Variants in DPYSL2 observed in about 807,000 individuals in gnomAD.
DPYSL2 encodes the protein dihydropyrimidinase like 2, also known as dihydropyrimidinase-related protein 2.
A neutral mutation model predicts 69.9 loss-of-function variants in DPYSL2; 13 were observed. That is an observed-to-expected ratio of 0.19 (90% CI 0.12 to 0.30). The LOEUF (loss-of-function observed/expected upper bound fraction) is 0.30, where lower values mean the gene tolerates loss of function less well. Among genes scored for constraint, DPYSL2 ranks in the 10% least tolerant of loss-of-function variants. The pLI is 1.00. For missense variants in DPYSL2, 587 were observed against 918.9 expected (o/e 0.64, Z 4.67); for synonymous variants, 326 against 359.1 (o/e 0.91, Z 1.04).
At position 26,587,105 on chromosome 8, in the gene DPYSL2, C is replaced by G. The variant is rs115603204; in HGVS notation, c.628+3122C>G. Among the ~76,000 whole-genome samples the G allele has an allele frequency of 0.019, 2,878 of 152,228 alleles. 97 individuals are homozygous for G. Among genetic ancestry groups the G allele is most frequent in the African/African-American group, 0.067 (2,761 of 41,514 alleles). Reference sequence around the variant, plus strand: ...TTTTTATCCTTTTTCTGTTTGCTGACCAGACGTTCTGCATTGCTTTAAGTG... The same window carrying G: ...TTTTTATCCTTTTTCTGTTTGCTGAGCAGACGTTCTGCATTGCTTTAAGTG... On this transcript the variant is annotated intron_variant, in intron 3 of 13. Transcript: ENST00000521913. This position sits in a 1 kb window ranked among gnomAD's most constrained non-coding sequence, Gnocchi z 4.2.
chr8:26,581,383 T>A (rs1193083375), intron 1 of DPYSL2, among the ~76,000 whole-genome samples: 1 of 152,074 alleles, frequency 6.6e-6, no homozygotes. Context: ...ATCTTCTTTT[T>A]TTTTTTTTGA....
At chr8:26,519,047 G>T (rs986447379) in intron 1 of DPYSL2, among the ~76,000 whole-genome samples, 2 of 152,258 alleles carry the variant, frequency 1.3e-5, no homozygotes, top group South Asian at 2.1e-4. Flanking sequence ...TCATTGGACC[G>T]CCAGTGACAA....
At chr8:26,639,262 G>C (rs1440520821) in intron 8 of DPYSL2, among the ~76,000 whole-genome samples, 1 of 152,172 alleles carries the variant, frequency 6.6e-6, no homozygotes, top group Non-Finnish European at 1.5e-5. Flanking sequence ...AGTAGAGAAA[G>C]GGGGAAGATT....
Position 26,591,769 on chromosome 8 carries a change from T to C in DPYSL2, c.628+7786T>C, listed in dbSNP as rs996587624. 3.9e-5 allele frequency among the ~76,000 whole-genome samples: 6 copies of C among 152,124 alleles called. No individual in the cohort carries two copies. Among genetic ancestry groups the C allele is most frequent in the Non-Finnish European group, 1.5e-5 (1 of 68,028 alleles). ...CCGCTTTCTCTTTGTCATCCCCCCATGGCAGCCCCTCTGCCTCTGGAGAAT... is the reference window on the plus strand; with the variant it reads ...CCGCTTTCTCTTTGTCATCCCCCCACGGCAGCCCCTCTGCCTCTGGAGAAT... On this transcript the variant is annotated intron_variant, in intron 3 of 13. Transcript: ENST00000521913. The surrounding 1 kb of genome is among the most constrained non-coding windows in gnomAD (Gnocchi z 5.8).
At chr8:26,573,136 G>A (rs1024068354) in intron 1 of DPYSL2, among the ~76,000 whole-genome samples, 1 of 152,328 alleles carries the variant, frequency 6.6e-6, no homozygotes, top group Admixed American at 6.5e-5. Context: ...CTACAGCCCC[G>A]CAGAGAATAA....
At chr8:26,638,366 G>T (rs2129954818) in intron 8 of DPYSL2, among the ~76,000 whole-genome samples, 1 of 152,308 alleles carries the variant, frequency 6.6e-6, no homozygotes, top group South Asian at 2.1e-4. Flanking sequence ...ATCCTGCCCT[G>T]GGAGGAGTAG....
At chr8:26,566,850 G>C (rs993504995) in intron 1 of DPYSL2, among the ~76,000 whole-genome samples, 1 of 152,054 alleles carries the variant, frequency 6.6e-6, no homozygotes, top group Non-Finnish European at 1.5e-5. Context: ...TTGTGCACCC[G>C]CCTACCCACC....
At position 26,587,247 on chromosome 8, in the gene DPYSL2, A is replaced by C. The variant is rs550111292; in HGVS notation, c.628+3264A>C. On this transcript the variant is annotated intron_variant, in intron 3 of 13. Transcript: ENST00000521913. This position sits in a 1 kb window ranked among gnomAD's most constrained non-coding sequence, Gnocchi z 4.2. ...TTCTTTGACTTAATATATTGAGTCC[A>C]GAAAGAAATGCCTGGGGCACTTTGA... is the stretch of plus-strand genomic sequence containing the variant. Among the ~76,000 whole-genome samples the C allele has an allele frequency of 4.6e-5, 7 of 152,372 alleles. No individual in the cohort carries two copies. The highest frequency in any genetic ancestry group is 8.8e-5 in the Non-Finnish European group (6 of 68,036).
intron 1 of DPYSL2, among the ~76,000 whole-genome samples, chr8:26,559,925 G>A (rs1801046218): frequency 6.6e-6 from 1 of 152,158 alleles, no homozygotes; most frequent in South Asian, 2.1e-4. Context: ...TGATGTCTCA[G>A]TAATCCCACT....
chr8:26,517,761 C>T lies in DPYSL2; in HGVS notation c.354+3082C>T, dbSNP rs1808316613. ...CAGGCTGGAGTGACAGGGAGTGATT[C>T]TCCTCCTCTCCAGGGCAGGTGCCGC... On this transcript the variant is annotated intron_variant, in intron 1 of 13. Transcript: ENST00000521913. The surrounding 1 kb of genome is among the most constrained non-coding windows in gnomAD (Gnocchi z 4.2). Among the ~76,000 whole-genome samples the T allele has an allele frequency of 2.6e-5, 4 of 152,340 alleles. No homozygotes were observed. The highest frequency in any genetic ancestry group is 7.2e-5 in the African/African-American group (3 of 41,568).
At chr8:26,638,593 TCAG>T (rs1472085336) in intron 8 of DPYSL2, among the ~76,000 whole-genome samples, 2 of 152,226 alleles carry the variant, frequency 1.3e-5, no homozygotes, top group Non-Finnish European at 2.9e-5. Context: ...CTGTGGCTGT[TCAG>T]CAGGATGGCG....
rs1049400047 is a variant in DPYSL2 at position 26,582,967 on chromosome 8, C to T, written c.444-832C>T. Among the ~76,000 whole-genome samples the T allele has an allele frequency of 1.3e-5, 2 of 152,188 alleles. No homozygotes were observed. Among genetic ancestry groups the T allele is most frequent in the African/African-American group, 4.8e-5 (2 of 41,432 alleles). On this transcript the variant is annotated intron_variant, in intron 2 of 13. Coordinates refer to ENST00000521913, the MANE Select transcript of DPYSL2 (RefSeq NM_001197293.3). The surrounding 1 kb of genome is among the most constrained non-coding windows in gnomAD (Gnocchi z 4.1). ...CCATGTGTGTTTGCTGTGACAGTCT[C>T]AGCTCCAGGCTCTCAAATGCCATGA...
rs73226186 is a variant in DPYSL2, at chr8:26,619,119, G to C, written c.629-5024G>C. Among the ~76,000 whole-genome samples the C allele has an allele frequency of 0.067, 10,193 of 152,182 alleles. 395 individuals are homozygous for C. The highest frequency in any genetic ancestry group is 0.093 in the African/African-American group (3,874 of 41,510). On this transcript the variant is annotated intron_variant, in intron 3 of 13. Coordinates refer to ENST00000521913, the MANE Select transcript of DPYSL2 (RefSeq NM_001197293.3). This position sits in a 1 kb window ranked among gnomAD's most constrained non-coding sequence, Gnocchi z 4.8. ...TCGGGTTGCCAAGGCTGCCCTCTTGGAGGGGCCGATAGCTCAGGGAGGTCA... is the reference window on the plus strand; with the variant it reads ...TCGGGTTGCCAAGGCTGCCCTCTTGCAGGGGCCGATAGCTCAGGGAGGTCA...
In DPYSL2 at chr8:26,648,096, C is replaced by T. The variant is rs746426037; in HGVS notation, c.1596+296C>T. Reference sequence around the variant, plus strand: ...TGCAAAGCTTCCAGAAGTCAGGCACCGCTCCATTTTCATAGGTTGGCACAG... The same window carrying T: ...TGCAAAGCTTCCAGAAGTCAGGCACTGCTCCATTTTCATAGGTTGGCACAG... On this transcript the variant is annotated intron_variant, in intron 11 of 13. Transcript: ENST00000521913. This position sits in a 1 kb window ranked among gnomAD's most constrained non-coding sequence, Gnocchi z 4.3. 3.9e-5 allele frequency among the ~76,000 whole-genome samples: 6 copies of T among 152,044 alleles called. No homozygotes were observed. The highest frequency in any genetic ancestry group is 1.3e-4 in the Admixed American group (2 of 15,256).
intron 1 of DPYSL2, among the ~76,000 whole-genome samples, chr8:26,524,348 A>G (rs1808440461): frequency 1.3e-5 from 2 of 152,154 alleles, no homozygotes; most frequent in African/African-American, 4.8e-5. Flanking sequence ...TTCTTTTTTA[A>G]AGAAATAATA....
chr8:26,647,193 C>T lies in DPYSL2; in HGVS notation c.1426-437C>T, dbSNP rs1334958873. 6.6e-6 allele frequency among the ~76,000 whole-genome samples: 1 copy of T among 152,166 alleles called. No homozygotes were observed. Among genetic ancestry groups the T allele is most frequent in the Non-Finnish European group, 1.5e-5 (1 of 68,030 alleles). ...CCCGGGTACCCTTCACCCAGTTTCC[C>T]TCATGGTTACATCTTATATAAATGT... On this transcript the variant is annotated intron_variant, in intron 10 of 13. Coordinates refer to ENST00000521913, the MANE Select transcript of DPYSL2 (RefSeq NM_001197293.3). The surrounding 1 kb of genome is among the most constrained non-coding windows in gnomAD (Gnocchi z 5.1).
chr8:26,545,244 A>G (rs1345181393), intron 1 of DPYSL2, among the ~76,000 whole-genome samples: 1 of 152,220 alleles, frequency 6.6e-6, no homozygotes, highest in Non-Finnish European at 1.5e-5. Context: ...ATTCTCTGGG[A>G]TAGATCACAT....
Position 26,642,292 on chromosome 8 carries a change from C to T in DPYSL2, c.1127-1147C>T, listed in dbSNP as rs1056936473. ...TGACTGGAGGGGAGGATGGGATTCT[C>T]AGGTGAAGGGTGTGAGACCCGAGTT... On this transcript the variant is annotated intron_variant, in intron 8 of 13. Transcript: ENST00000521913. This position sits in a 1 kb window ranked among gnomAD's most constrained non-coding sequence, Gnocchi z 5.3. Among the ~76,000 whole-genome samples the T allele has an allele frequency of 2.6e-5, 4 of 152,090 alleles. No homozygotes were observed.
At chr8:26,606,020 C>T (rs1383294056) in intron 3 of DPYSL2, among the ~76,000 whole-genome samples, 1 of 152,060 alleles carries the variant, frequency 6.6e-6, no homozygotes, top group Non-Finnish European at 1.5e-5. Context: ...ATGAATAAGG[C>T]TGGGAGACCA....
Sources: gnomAD v4.1 joint callset for allele counts (sites outside exome capture counted in the v4.1 genomes callset) on GRCh38, gnomAD v4.1.1 for gene constraint, Gnocchi (gnomAD v3.1) non-coding constraint, MANE v1.5 for transcripts, NCBI Gene and HGNC (gene_info 2026-07-23, HGNC 2026-07-21) for gene names.